Variants in DLG5 observed in about 807,000 individuals in gnomAD.
DLG5 encodes discs large MAGUK scaffold protein 5.
Under a neutral mutation model 189.8 loss-of-function variants are expected in DLG5, and 48 were observed. The ratio of observed to expected loss-of-function variants is 0.25; its 90% CI spans 0.20 to 0.32. The LOEUF is 0.32. Among genes scored for constraint, DLG5 ranks in the 10% least tolerant of loss-of-function variants. DLG5 has a pLI of 1.00. For missense variants in DLG5, 2,160 were observed against 2,544.7 expected, an observed-to-expected ratio of 0.85 and a Z score of 3.25; for synonymous variants, 1,016 against 1,054.1, an observed-to-expected ratio of 0.96 and a Z score of 0.70.
At chr10:77,827,583 A>C (rs546783471) in intron 13 of DLG5, among the ~76,000 whole-genome samples, 2 of 152,306 alleles carry the variant, frequency 1.3e-5, no homozygotes, top group African/African-American at 4.8e-5. Context: ...ATGACTCAGC[A>C]ATCTCACGGC....
chr10:77,829,604 CAG>C (rs1842805628), intron 11 of DLG5, 74 bp from the exon 12 acceptor site: 9 of 1,506,060 alleles, frequency 6.0e-6, no homozygotes, highest in East Asian at 4.6e-5. Context: ...AACTCTCACT[CAG>C]GGGGCTGACT....
chr10:77,881,237 G>C (rs1485025826), intron 1 of DLG5, among the ~76,000 whole-genome samples: 1 of 152,124 alleles, frequency 6.6e-6, no homozygotes, highest in Non-Finnish European at 1.5e-5. Flanking sequence ...ATCAGAAAAA[G>C]TGATACTCAC....
At chr10:77,905,070 A>G (rs1222278302) in intron 1 of DLG5, among the ~76,000 whole-genome samples, 7 of 150,184 alleles carry the variant, frequency 4.7e-5, no homozygotes, top group African/African-American at 7.4e-5. Flanking sequence ...CAGAAGTTGC[A>G]GTGAGCCGAG....
At position 77,821,136 on chromosome 10, in the gene DLG5, A is replaced by T; in HGVS notation, c.3348T>A (p.Ala1116=). The T allele has an allele frequency of 6.2e-7, 1 of 1,614,070 alleles. No individual in the cohort carries two copies. The highest frequency in any genetic ancestry group is 8.5e-7 in the Non-Finnish European group (1 of 1,180,038). The part of the protein sequence containing the change: ...LGQKRRRPKS[A]PSFRPKLAPV... ...GAGCAAGCTTCGGCCGAAAACTGGGAGCAGATTTTGGCCGGCGACGCTTCT... is the reference window on the plus strand; with the variant it reads ...GAGCAAGCTTCGGCCGAAAACTGGGTGCAGATTTTGGCCGGCGACGCTTCT... Residue 1116 remains alanine (A), a synonymous_variant, in exon 15 of 32, where the codon GCT becomes GCA. Coordinates refer to ENST00000372391, the MANE Select transcript of DLG5 (RefSeq NM_004747.4).
At chr10:77,887,527 T>G (rs1178079720) in intron 1 of DLG5, among the ~76,000 whole-genome samples, 2 of 152,142 alleles carry the variant, frequency 1.3e-5, no homozygotes, top group Non-Finnish European at 2.9e-5. Context: ...AAAAAAAAAT[T>G]AATATTAAAG....
chr10:77,826,785 T>TA, intron 13 of DLG5, among the ~76,000 whole-genome samples: 1 of 152,144 alleles, frequency 6.6e-6, no homozygotes, highest in African/African-American at 2.4e-5. Flanking sequence ...CCGTCTCTAC[T>TA]AAAAGTACAA....
chr10:77,939,470 A>C, the DLG5 span, among the ~76,000 whole-genome samples: 1 of 152,156 alleles, frequency 6.6e-6, no homozygotes, highest in Non-Finnish European at 1.5e-5. Flanking sequence ...CTTCCACGGC[A>C]TTCAGAGTCC....
chr10:77,864,575 C>T (rs1844601024), intron 2 of DLG5, among the ~76,000 whole-genome samples: 1 of 152,230 alleles, frequency 6.6e-6, no homozygotes, highest in African/African-American at 2.4e-5. Context: ...ATTTCAGGTC[C>T]CACCCAGACC....
chr10:77,860,352 C>A (rs989718564), intron 2 of DLG5, among the ~76,000 whole-genome samples: 1 of 152,204 alleles, frequency 6.6e-6, no homozygotes, highest in Non-Finnish European at 1.5e-5. Context: ...GGCTGGAGTG[C>A]AGTGGCGCGA....
chr10:77,856,190 TA>T (rs59643148), intron 3 of DLG5, among the ~76,000 whole-genome samples: 28 of 144,940 alleles, frequency 1.9e-4, no homozygotes, highest in East Asian at 6.0e-4. Context: ...ACAAAAAAAT[TA>T]AAAAAAAAAA....
chr10:77,936,446 CAA>C, the DLG5 span, among the ~76,000 whole-genome samples: 28 of 52,112 alleles, frequency 5.4e-4, no homozygotes, highest in Admixed American at 1.4e-3. Context: ...CAAAACAAAA[CAA>C]AAAAAAAAAA....
chr10:77,811,711 C>T (rs1240485936), intron 22 of DLG5, among the ~76,000 whole-genome samples: 1 of 152,174 alleles, frequency 6.6e-6, no homozygotes, highest in Non-Finnish European at 1.5e-5. Context: ...AGGGGGACCA[C>T]AGCCATCTGT....
At chr10:77,878,840 C>T (rs1845185919) in intron 1 of DLG5, among the ~76,000 whole-genome samples, 1 of 152,204 alleles carries the variant, frequency 6.6e-6, no homozygotes, top group Non-Finnish European at 1.5e-5. Context: ...TGCACCTCCA[C>T]TCATCCAGTC....
chr10:77,848,069 G>A (rs1263480429), intron 5 of DLG5, among the ~76,000 whole-genome samples: 1 of 152,184 alleles, frequency 6.6e-6, no homozygotes, highest in Non-Finnish European at 1.5e-5. Flanking sequence ...TCCAGCCTGA[G>A]CACGGGACAG....
intron 1 of DLG5, among the ~76,000 whole-genome samples, chr10:77,882,319 T>G (rs1845306710): frequency 6.6e-6 from 1 of 152,194 alleles, no homozygotes. Context: ...ATTTGCACAC[T>G]GAGGCTAAAA....
At chr10:77,840,586 G>A (rs1285901242) in intron 7 of DLG5, among the ~76,000 whole-genome samples, 2 of 152,128 alleles carry the variant, frequency 1.3e-5, no homozygotes, top group Non-Finnish European at 2.9e-5. Flanking sequence ...GGGCGTGGTG[G>A]CACATGCCTG....
chr10:77,875,451 C>T (rs984111708), intron 1 of DLG5, among the ~76,000 whole-genome samples: 8 of 152,178 alleles, frequency 5.3e-5, no homozygotes, highest in Admixed American at 4.6e-4. Context: ...CCTCCCCACA[C>T]CGAGACAACA....
chr10:77,931,340 A>G (rs1001649077), upstream of DLG5, among the ~76,000 whole-genome samples: 1 of 151,820 alleles, frequency 6.6e-6, no homozygotes, highest in African/African-American at 2.4e-5. Context: ...TACAGCCTCT[A>G]ACTCCTCAAG....
In DLG5 at chr10:77,807,834, C is replaced by T. The variant is rs753473767; in HGVS notation, c.4758G>A (p.Thr1586=). The stretch of plus-strand genomic sequence containing the variant: ...TGTCACCAGGCAGGCCCTTGGCCTT[C>T]GTGAACTCCTCAGGGCGGTACTGCA... ...LKVQYRPEEF[T]KAKGLPGDSF... The change falls in exon 25 of 32, where the codon ACG becomes ACA. Residue 1586 remains threonine, a synonymous_variant. Coordinates refer to ENST00000372391, the MANE Select transcript of DLG5 (RefSeq NM_004747.4). 1.1e-5 allele frequency: 17 copies of T among 1,614,012 alleles called. No individual in the cohort carries two copies. Among genetic ancestry groups the T allele is most frequent in the Admixed American group, 3.3e-5 (2 of 59,994 alleles).
Sources: allele counts gnomAD v4.1 joint callset (sites outside exome capture counted in the v4.1 genomes callset), GRCh38; gene constraint gnomAD v4.1.1; transcripts MANE v1.5; gene names NCBI Gene and HGNC (gene_info 2026-07-23, HGNC 2026-07-21).